Variants in PPARD observed in about 807,000 individuals in gnomAD.
The protein encoded by PPARD is peroxisome proliferator-activated receptor delta.
PPARD carries 6 observed loss-of-function variants against 39.5 expected under a neutral mutation model. That is an observed-to-expected ratio of 0.15 (90% confidence interval 0.08 to 0.30). PPARD has a LOEUF of 0.30. PPARD is among the 10% of genes least tolerant of loss of function. PPARD has a pLI of 1.00. For missense variants in PPARD, 397 were observed against 596.8 expected, an observed-to-expected ratio of 0.67 and a Z score of 3.49; for synonymous variants, 210 against 231.3, an observed-to-expected ratio of 0.91 and a Z score of 0.83.
intron 2 of PPARD, among the ~76,000 whole-genome samples, chr6:35,380,348 C>G (rs1052483981): frequency 2.0e-5 from 3 of 152,002 alleles, no homozygotes; most frequent in Non-Finnish European, 2.9e-5. Flanking sequence ...TAGAAGAAGA[C>G]AGAAGAATGA....
At position 35,384,909 on chromosome 6, in the gene PPARD, T is replaced by G. The variant is rs1393347670; in HGVS notation, c.-101-26078T>G. Among the ~76,000 whole-genome samples the G allele has an allele frequency of 4.4e-4, 55 of 125,252 alleles. 3 individuals are homozygous for G. The highest frequency in any genetic ancestry group is 1.6e-3 in the African/African-American group (46 of 28,106). The allele number at this position is 125,252 out of a possible 152,430, so 82.2% of individuals were successfully genotyped here. A position where few individuals can be genotyped will look rare whatever the true frequency, so the allele number is the denominator to read the frequency against. Reference sequence around the variant, plus strand: ...GGCGCCTCTGCCTGGCCGCCCCTACTGGGAAGTGAGGAGCCCCTCTGCCAG... The same window carrying G: ...GGCGCCTCTGCCTGGCCGCCCCTACGGGGAAGTGAGGAGCCCCTCTGCCAG... On this transcript the variant is annotated intron_variant, in intron 2 of 7. Transcript: ENST00000360694.
chr6:35,417,681 G>A (rs952217482), intron 3 of PPARD, among the ~76,000 whole-genome samples: 4 of 152,104 alleles, frequency 2.6e-5, no homozygotes, highest in African/African-American at 7.2e-5. Flanking sequence ...ACAGGCATGT[G>A]CCACCACGCC....
chr6:35,364,095 T>C (rs927240670), intron 2 of PPARD, among the ~76,000 whole-genome samples: 7 of 152,180 alleles, frequency 4.6e-5, no homozygotes, highest in Admixed American at 1.3e-4. Context: ...GCTAATCTAC[T>C]TCCCTTCTCT....
rs541369735 is a variant in PPARD at position 35,405,658 on chromosome 6, TCTC to T, written c.-101-5325_-101-5323del. Among the ~76,000 whole-genome samples, 6 of 151,294 alleles carry T rather than the reference TCTC, an allele frequency of 4.0e-5. No homozygotes were observed. In the East Asian group the frequency reaches 9.8e-4, roughly 25 times the overall value. On this transcript the variant is annotated intron_variant, in intron 2 of 7. Coordinates refer to ENST00000360694, the MANE Select transcript of PPARD (RefSeq NM_006238.5). Reference sequence around the variant, plus strand: ...TTGTTGTTGTTGTTTTGAGACAGAGTCTCCTCTGTCACCCAGGCTGGAGTGCAG... The same window carrying T: ...TTGTTGTTGTTGTTTTGAGACAGAGTCTCTGTCACCCAGGCTGGAGTGCAG...
Position 35,424,214 on chromosome 6 carries a change from C to T in PPARD, c.627+66C>T. The T allele has an allele frequency of 6.3e-7, 1 of 1,598,080 alleles. No individual in the cohort carries two copies. The highest frequency in any genetic ancestry group is 8.5e-7 in the Non-Finnish European group (1 of 1,171,618). On this transcript the variant is annotated intron_variant, in intron 6 of 7. Coordinates refer to ENST00000360694, the MANE Select transcript of PPARD (RefSeq NM_006238.5). The surrounding 1 kb of genome is among the most constrained non-coding windows in gnomAD (Gnocchi z 7.1). Reference sequence around the variant, plus strand: ...CTGGGTCCCACTGCCGCCTGCCTGACTCCGGGAGAGCCAGGCCTTCTCCCT... The same window carrying T: ...CTGGGTCCCACTGCCGCCTGCCTGATTCCGGGAGAGCCAGGCCTTCTCCCT...
chr6:35,389,335 G>C (rs1041402136), intron 2 of PPARD, among the ~76,000 whole-genome samples: 4 of 151,922 alleles, frequency 2.6e-5, no homozygotes, highest in Admixed American at 2.6e-4. Flanking sequence ...TTTTGAGATG[G>C]AGTCTTGCTC....
intron 2 of PPARD, among the ~76,000 whole-genome samples, chr6:35,378,934 C>T (rs1342922366): frequency 6.6e-6 from 1 of 152,052 alleles, no homozygotes; most frequent in Admixed American, 6.6e-5. Context: ...AGAAGGCAAT[C>T]GAACCTTTAA....
At chr6:35,398,740 A>T (rs898837248) in intron 2 of PPARD, among the ~76,000 whole-genome samples, 1 of 152,222 alleles carries the variant, frequency 6.6e-6, no homozygotes, top group South Asian at 2.1e-4. Flanking sequence ...AGGAGGAGGG[A>T]TCGAGCAGTC....
chr6:35,390,118 T>C (rs947276534), intron 2 of PPARD, among the ~76,000 whole-genome samples: 2 of 152,174 alleles, frequency 1.3e-5, no homozygotes, highest in African/African-American at 2.4e-5. Context: ...GTTGCCTGAC[T>C]CACCTTGGCC....
At chr6:35,345,150 T>C (rs1471909187) in intron 1 of PPARD, among the ~76,000 whole-genome samples, 5 of 152,200 alleles carry the variant, frequency 3.3e-5, no homozygotes, top group African/African-American at 1.2e-4. Context: ...GTGGAGCAGC[T>C]TGGGCACCAG....
chr6:35,375,496 A>G (rs1171739187), intron 2 of PPARD, among the ~76,000 whole-genome samples: 2 of 151,860 alleles, frequency 1.3e-5, no homozygotes, highest in Non-Finnish European at 2.9e-5. Context: ...GATTACAGGC[A>G]TGAGCCACTG....
At position 35,363,187 on chromosome 6, in the gene PPARD, AAGG is replaced by A. The variant is rs1168859774; in HGVS notation, c.-102+16040_-102+16042del. On this transcript the variant is annotated intron_variant, in intron 2 of 7. Coordinates refer to ENST00000360694, the MANE Select transcript of PPARD (RefSeq NM_006238.5). The surrounding 1 kb of genome is among the most constrained non-coding windows in gnomAD (Gnocchi z 4.5). The stretch of plus-strand genomic sequence containing the variant: ...TAAAATGGGGTCTCTGGCAGTAGGC[AAGG>A]AGAAGGCCTTTCTGAGCACTGAGGG... Among the ~76,000 whole-genome samples, 1 of 152,202 alleles carries A rather than the reference AAGG, an allele frequency of 6.6e-6. No individual in the cohort carries two copies. Among genetic ancestry groups the A allele is most frequent in the Non-Finnish European group, 1.5e-5 (1 of 68,020 alleles).
intron 2 of PPARD, among the ~76,000 whole-genome samples, chr6:35,356,879 T>TA (rs990563221): frequency 1.3e-5 from 2 of 152,234 alleles, no homozygotes; most frequent in African/African-American, 4.8e-5. Flanking sequence ...ATTAGAAGTT[T>TA]ACTCTCTTCA....
chr6:35,384,234 C>G (rs865965705), intron 2 of PPARD, among the ~76,000 whole-genome samples: 1 of 125,524 alleles, frequency 8.0e-6, no homozygotes, highest in African/African-American at 3.2e-5. Flanking sequence ...GCCCCCCGCC[C>G]GGCCAGCCGC....
intron 2 of PPARD, among the ~76,000 whole-genome samples, chr6:35,393,079 G>T (rs951847365): frequency 1.3e-5 from 2 of 152,144 alleles, no homozygotes; most frequent in Non-Finnish European, 2.9e-5. Context: ...CAGGAAGGGG[G>T]CCAAATTCAG....
At chr6:35,378,454 G>A (rs1015204880) in intron 2 of PPARD, among the ~76,000 whole-genome samples, 2 of 152,158 alleles carry the variant, frequency 1.3e-5, no homozygotes, top group Admixed American at 1.3e-4. Flanking sequence ...TCTAGCTGAG[G>A]ATGCCAGAGA....
intron 3 of PPARD, among the ~76,000 whole-genome samples, chr6:35,415,212 G>T (rs761081557): frequency 2.0e-5 from 3 of 152,212 alleles, no homozygotes; most frequent in Non-Finnish European, 4.4e-5. Context: ...AAGGCTGAGT[G>T]CCTGTCCCAA....
At chr6:35,410,035 A>G (rs1014716651) in intron 2 of PPARD, among the ~76,000 whole-genome samples, 1 of 152,202 alleles carries the variant, frequency 6.6e-6, no homozygotes, top group Non-Finnish European at 1.5e-5. Context: ...ATGAGTGGGT[A>G]GACAGGCAGG....
Position 35,426,413 on chromosome 6 carries a change from C to T in PPARD, c.*334C>T, listed in dbSNP as rs1766582270. ...TCTCTCCACCCCCCACGTCTGTCCT[C>T]CTTTCTTATTCTGTGAGATGTTTTG... On this transcript the variant is annotated 3_prime_UTR_variant, in exon 8 of 8. Transcript: ENST00000360694. 2.6e-6 allele frequency: 1 copy of T among 381,232 alleles called. No homozygotes were observed. The highest frequency in any genetic ancestry group is 5.6e-5 in the East Asian group (1 of 17,830). The allele number at this position is 381,232 out of a possible 1,614,324, so 23.6% of individuals were successfully genotyped here.
Sources: gnomAD v4.1 joint callset for allele counts (sites outside exome capture counted in the v4.1 genomes callset) on GRCh38, gnomAD v4.1.1 for gene constraint, Gnocchi (gnomAD v3.1) non-coding constraint, MANE v1.5 for transcripts, NCBI Gene and HGNC (gene_info 2026-07-23, HGNC 2026-07-21) for gene names.